Variants in DTWD1 observed in about 807,000 individuals in gnomAD.
DTWD1 encodes the protein DTW motif tRNA-uridine aminocarboxypropyltransferase 1.
In DTWD1, 27 loss-of-function variants were observed where a neutral mutation model predicts 30.2. That is an observed-to-expected ratio of 0.90 (90% CI 0.66 to 1.23). The LOEUF is 1.23. DTWD1 is among the 50% of genes most tolerant of loss of function. The pLI, the probability that DTWD1 is intolerant of heterozygous loss-of-function variation, is 0.00. For missense variants in DTWD1, 342 were observed against 348.8 expected, an observed-to-expected ratio of 0.98 and a Z score of 0.15; for synonymous variants, 99 against 113.1, an observed-to-expected ratio of 0.88 and a Z score of 0.79.
intron 3 of DTWD1, among the ~76,000 whole-genome samples, chr15:49,633,294 A>G (rs950658235): frequency 6.6e-6 from 1 of 152,058 alleles, no homozygotes; most frequent in Non-Finnish European, 1.5e-5. Context: ...ATAGACATGT[A>G]TTATGAATAT....
Position 49,647,448 on chromosome 15 carries a change from C to A in DTWD1, c.*3870C>A, listed in dbSNP as rs191883435. The A allele has an allele frequency of 6.6e-6, 1 of 152,222 alleles. No individual in the cohort carries two copies. The highest frequency in any genetic ancestry group is 1.9e-4 in the East Asian group (1 of 5,178). The allele number at this position is 152,222 out of a possible 1,614,324, so 9.4% of individuals were successfully genotyped here. A position where few individuals can be genotyped will look rare whatever the true frequency, so the allele number is the denominator to read the frequency against. The stretch of plus-strand genomic sequence containing the variant: ...TAATTTTGAGCTTGTCTGTTTCTTA[C>A]ATTTCTCATTTTGACAGAATAAGCT... On this transcript the variant is annotated 3_prime_UTR_variant, in exon 5 of 5. Coordinates refer to ENST00000403028, the MANE Select transcript of DTWD1 (RefSeq NM_001144955.2).
intron 2 of DTWD1, chr15:49,631,056 A>G (rs905556439): frequency 7.0e-6 from 3 of 430,798 alleles, no homozygotes; most frequent in African/African-American, 2.0e-5. Flanking sequence ...ATTTTACATT[A>G]TGGTGAGTTG....
At chr15:49,640,104 T>TAGAA (rs1317214667) in intron 4 of DTWD1, among the ~76,000 whole-genome samples, 3 of 152,142 alleles carry the variant, frequency 2.0e-5, no homozygotes, top group Non-Finnish European at 2.9e-5. Context: ...ATTCCCCTTC[T>TAGAA]TCCCCTGACA....
chr15:49,648,368 C>A lies in DTWD1; in HGVS notation c.*4790C>A, dbSNP rs566646285. 1.3e-5 allele frequency: 2 copies of A among 152,336 alleles called. No individual in the cohort carries two copies. The highest frequency in any genetic ancestry group is 1.5e-5 in the Non-Finnish European group (1 of 68,064). 9.4% of individuals were successfully genotyped at this position (152,336 alleles called of 1,614,324 possible). A position where few individuals can be genotyped will look rare whatever the true frequency, so the allele number is the denominator to read the frequency against. ...CCAGGCTGCAGTGCAGTGGTGCGAT[C>A]TCAGCTCACTACAACCTCCACCTCC... On this transcript the variant is annotated 3_prime_UTR_variant, in exon 5 of 5. Transcript: ENST00000403028.
chr15:49,622,262 C>T (rs936593791), intron 1 of DTWD1, among the ~76,000 whole-genome samples: 4 of 152,164 alleles, frequency 2.6e-5, no homozygotes, highest in African/African-American at 9.7e-5. Flanking sequence ...CACTAAAGTA[C>T]CTCCACAATA....
intron 4 of DTWD1, among the ~76,000 whole-genome samples, chr15:49,639,492 T>G (rs2079040800): frequency 6.6e-6 from 1 of 151,910 alleles, no homozygotes; most frequent in South Asian, 2.1e-4. Flanking sequence ...AGCCCAGGAG[T>G]TCAAGGATGC....
chr15:49,631,810 A>G (rs186933994), intron 2 of DTWD1, among the ~76,000 whole-genome samples: 34 of 151,854 alleles, frequency 2.2e-4, no homozygotes, highest in Admixed American at 1.8e-3. Flanking sequence ...AGGCAAACCT[A>G]AAGTTTATAG....
At chr15:49,642,880 A>G (rs1277419390) in intron 4 of DTWD1, among the ~76,000 whole-genome samples, 1 of 152,164 alleles carries the variant, frequency 6.6e-6, no homozygotes. Context: ...AGCTATGATC[A>G]CACTGCTGCA....
At chr15:49,632,553 C>T (rs2078937414) in intron 3 of DTWD1, among the ~76,000 whole-genome samples, 1 of 152,134 alleles carries the variant, frequency 6.6e-6, no homozygotes, top group Admixed American at 6.6e-5. Context: ...GGTTTTTACT[C>T]CTTGCCAATA....
rs1171184773 is a variant in DTWD1, at chr15:49,649,491, CTTTAG to C, written c.*5914_*5918del. ...GTGGCTCACGCCTCTAATCCCAGCACTTTAGGAGGCCAAGGCAGGTGGATCGCCTG... is the reference window on the plus strand; with the variant it reads ...GTGGCTCACGCCTCTAATCCCAGCACGAGGCCAAGGCAGGTGGATCGCCTG... On this transcript the variant is annotated 3_prime_UTR_variant, in exon 5 of 5. Coordinates refer to ENST00000403028, the MANE Select transcript of DTWD1 (RefSeq NM_001144955.2). 3 of 152,234 alleles carry C rather than the reference CTTTAG, an allele frequency of 2.0e-5. No individual in the cohort carries two copies. Among genetic ancestry groups the C allele is most frequent in the African/African-American group, 7.2e-5 (3 of 41,450 alleles). The allele number at this position is 152,234 out of a possible 1,614,324, so 9.4% of individuals were successfully genotyped here.
At position 49,641,722 on chromosome 15, in the gene DTWD1, TTTTG is replaced by T. The variant is rs201413504; in HGVS notation, c.668-1592_668-1589del. ...CAATTTTAGGTTGCCAGTTCTGTTT[TTTTG>T]TTTGTTTGTTTGTTTGACACTTGGA... On this transcript the variant is annotated intron_variant, in intron 4 of 4. Coordinates refer to ENST00000403028, the MANE Select transcript of DTWD1 (RefSeq NM_001144955.2). Among the ~76,000 whole-genome samples, 635 of 152,196 alleles carry T rather than the reference TTTTG, an allele frequency of 4.2e-3. 6 individuals are homozygous for T. The highest frequency in any genetic ancestry group is 0.014 in the African/African-American group (589 of 41,574).
chr15:49,630,258 G>A (rs1208156045), intron 2 of DTWD1, among the ~76,000 whole-genome samples: 2 of 152,068 alleles, frequency 1.3e-5, no homozygotes, highest in African/African-American at 4.8e-5. Context: ...CTGTAGCAGT[G>A]GATTCAAGAA....
At position 49,647,815 on chromosome 15, in the gene DTWD1, C is replaced by A. The variant is rs2079129661; in HGVS notation, c.*4237C>A. On this transcript the variant is annotated 3_prime_UTR_variant, in exon 5 of 5. Coordinates refer to ENST00000403028, the MANE Select transcript of DTWD1 (RefSeq NM_001144955.2). ...GAGAATAATGGCAACAAAAAAAAAA[C>A]TGTCTTCAAAATAAGAGTATATTAT... 6.6e-6 allele frequency: 1 copy of A among 150,704 alleles called. No homozygotes were observed. The highest frequency in any genetic ancestry group is 2.4e-5 in the African/African-American group (1 of 41,188). 9.3% of individuals were successfully genotyped at this position (150,704 alleles called of 1,614,324 possible).
intron 4 of DTWD1, among the ~76,000 whole-genome samples, chr15:49,642,483 A>C (rs2079076895): frequency 6.6e-6 from 1 of 152,332 alleles, no homozygotes; most frequent in South Asian, 2.1e-4. Context: ...ACAAACAAGC[A>C]AACAAAAGAA....
rs1413542355 is a variant in DTWD1, at chr15:49,653,455, G to A, written c.*9877G>A. 1.3e-5 allele frequency: 2 copies of A among 152,108 alleles called. No homozygotes were observed. The highest frequency in any genetic ancestry group is 2.4e-5 in the African/African-American group (1 of 41,442). The allele number at this position is 152,108 out of a possible 1,614,324, so 9.4% of individuals were successfully genotyped here. On this transcript the variant is annotated 3_prime_UTR_variant, in exon 5 of 5. Coordinates refer to ENST00000403028, the MANE Select transcript of DTWD1 (RefSeq NM_001144955.2). The stretch of plus-strand genomic sequence containing the variant: ...TTGATTTTAGATCAGTGAGATTTTT[G>A]TGTTGGACTTCTACAGAACTATATA...
In DTWD1 at chr15:49,638,835, C is replaced by G. The variant is rs73406077; in HGVS notation, c.667+4041C>G. Among the ~76,000 whole-genome samples, 1,470 of 152,106 alleles carry G rather than the reference C, an allele frequency of 9.7e-3. 21 individuals carry two copies. Among genetic ancestry groups the G allele is most frequent in the African/African-American group, 0.034 (1,412 of 41,506 alleles). On this transcript the variant is annotated intron_variant, in intron 4 of 4. Transcript: ENST00000403028. ...AATAAAACACTTGAAGGTAGAGTGCCTAATTTAATTATAAAAGGTAAACCT... is the reference window on the plus strand; with the variant it reads ...AATAAAACACTTGAAGGTAGAGTGCGTAATTTAATTATAAAAGGTAAACCT...
At chr15:49,635,542 G>C (rs1001066635) in intron 4 of DTWD1, among the ~76,000 whole-genome samples, 8 of 151,896 alleles carry the variant, frequency 5.3e-5, no homozygotes, top group Non-Finnish European at 1.0e-4. Context: ...TGTTACCCAG[G>C]CTAGCAGTGG....
Position 49,652,963 on chromosome 15 carries a change from A to C in DTWD1, c.*9385A>C, listed in dbSNP as rs1174274052. 1 of 152,144 alleles carries C rather than the reference A, an allele frequency of 6.6e-6. No individual in the cohort carries two copies. Among genetic ancestry groups the C allele is most frequent in the Non-Finnish European group, 1.5e-5 (1 of 68,012 alleles). The allele number at this position is 152,144 out of a possible 1,614,324, so 9.4% of individuals were successfully genotyped here. On this transcript the variant is annotated 3_prime_UTR_variant, in exon 5 of 5. Transcript: ENST00000403028. ...GAAGTCCAGCTGAATGTAGCTGCCA[A>C]AGTTACCTTAATGCCCATGGGAAGC...
Position 49,643,521 on chromosome 15 carries a change from G to GT in DTWD1, c.860dup (p.Leu287PhefsTer11). ...TATTTTTCTATTCTTTTATGTACCA[G>GT]TTGATAAAGAATGCCAAATGCTCTG... On this transcript the variant is annotated frameshift_variant, in exon 5 of 5. Coordinates refer to ENST00000403028, the MANE Select transcript of DTWD1 (RefSeq NM_001144955.2). LOFTEE classifies it high-confidence loss of function. 2 of 1,607,202 alleles carry GT rather than the reference G, an allele frequency of 1.2e-6. No individual in the cohort carries two copies. The highest frequency in any genetic ancestry group is 1.7e-6 in the Non-Finnish European group (2 of 1,177,040).
Sources: gnomAD v4.1 joint callset for allele counts (sites outside exome capture counted in the v4.1 genomes callset) on GRCh38, gnomAD v4.1.1 for gene constraint, MANE v1.5 for transcripts, NCBI Gene and HGNC (gene_info 2026-07-23, HGNC 2026-07-21) for gene names.